The following MED24 variants were observed in gnomAD, a reference collection of about 807,000 sequenced individuals.
MED24 encodes the protein mediator complex subunit 24, also known as mediator of RNA polymerase II transcription subunit 24.
A neutral mutation model predicts 118.8 loss-of-function variants in MED24; 74 were observed. That is an observed-to-expected ratio of 0.62 (90% CI 0.52 to 0.76). MED24 has a LOEUF of 0.76. Among genes scored for constraint, MED24 ranks in the 30% least tolerant of loss-of-function variants. The pLI is 0.00. For synonymous variants in MED24, 521 were observed against 523.9 expected, an observed-to-expected ratio of 0.99 and a Z score of 0.08; for missense variants, 1,041 against 1,278.9, an observed-to-expected ratio of 0.81 and a Z score of 2.84.
In MED24 at chr17:40,023,156, T is replaced by C. The variant is rs755238227; in HGVS notation, c.2225A>G (p.Tyr742Cys). The C allele has an allele frequency of 8.7e-6, 14 of 1,613,870 alleles. No homozygotes were observed. The African/African-American group carries it at 1.3e-4, about 15-fold the overall frequency. ...CTTAATCAGGTTGTTGCAGAACCAG[T>C]AGACGCCGCCCATGTGCAGCAGGGT... is the stretch of plus-strand genomic sequence containing the variant. The part of the protein sequence containing the change: ...FDTLLHMGGV[Y>C]WFCNNLIKEL... Residue 742 changes from tyrosine (Y) to cysteine (C), a missense_variant, in exon 20 of 26, where the codon TAC becomes TGC. Tyr to Cys is a radical substitution (Grantham distance 194). Transcript: ENST00000394128.
chr17:40,053,390 G>T lies in MED24; in HGVS notation c.131-10C>A. Reference sequence around the variant, plus strand: ...TGCTCTAGTAACGCATCTGCAAGAGGAATAGCAAAACACAACTGAGTGATT... The same window carrying T: ...TGCTCTAGTAACGCATCTGCAAGAGTAATAGCAAAACACAACTGAGTGATT... On this transcript the variant is annotated splice_polypyrimidine_tract_variant and intron_variant, in intron 2 of 25. Transcript: ENST00000394128. The T allele has an allele frequency of 1.2e-6, 2 of 1,613,340 alleles. No homozygotes were observed. Among genetic ancestry groups the T allele is most frequent in the Non-Finnish European group, 1.7e-6 (2 of 1,179,382 alleles).
In MED24 at chr17:40,032,631, C is replaced by G. The variant is rs771040313; in HGVS notation, c.936+18G>C. On this transcript the variant is annotated intron_variant, in intron 9 of 25. Transcript: ENST00000394128. ...AACCATTCCTAGACTGGCTCTGCCCCTCCCACGTCCCCAGTACCTTGAGGA... is the reference window on the plus strand; with the variant it reads ...AACCATTCCTAGACTGGCTCTGCCCGTCCCACGTCCCCAGTACCTTGAGGA... The G allele has an allele frequency of 1.3e-6, 2 of 1,593,736 alleles. No individual in the cohort carries two copies. The highest frequency in any genetic ancestry group is 1.7e-6 in the Non-Finnish European group (2 of 1,162,304).
chr17:40,046,755 C>G (rs951036722), intron 3 of MED24, among the ~76,000 whole-genome samples: 2 of 144,460 alleles, frequency 1.4e-5, no homozygotes, highest in Admixed American at 6.7e-5. Flanking sequence ...CAAAAAAAAA[C>G]AAGAAGAAGA....
chr17:40,024,661 G>T (rs1308591342), intron 19 of MED24, among the ~76,000 whole-genome samples: 1 of 152,214 alleles, frequency 6.6e-6, no homozygotes, highest in Non-Finnish European at 1.5e-5. Context: ...TAGCCCAAAG[G>T]TGGAAGCAAC....
chr17:40,022,553 C>A, intron 21 of MED24, 69 bp from the exon 22 acceptor site: 1 of 1,596,040 alleles, frequency 6.3e-7, no homozygotes, highest in South Asian at 1.1e-5. Context: ...TCTGACTGGG[C>A]TCCCCAAAGC....
At position 40,019,323 on chromosome 17, in the gene MED24, G is replaced by T; in HGVS notation, c.*206C>A. The T allele has an allele frequency of 1.7e-6, 1 of 578,172 alleles. No homozygotes were observed. Among genetic ancestry groups the T allele is most frequent in the Non-Finnish European group, 3.1e-6 (1 of 325,862 alleles). 35.8% of individuals were successfully genotyped at this position (578,172 alleles called of 1,614,324 possible). ...GGCTGCTCACTCTCCTCAGGTGCCA[G>T]CAGATGGAGAGGAAATTTTGAAAGA... On this transcript the variant is annotated 3_prime_UTR_variant, in exon 26 of 26. Transcript: ENST00000394128.
chr17:40,053,254 C>A, intron 3 of MED24, 44 bp downstream of exon 3: 1 of 1,539,242 alleles, frequency 6.5e-7, no homozygotes, highest in Non-Finnish European at 8.8e-7. Context: ...AGTTTTTTAC[C>A]CCCAGAACTC....
chr17:40,026,464 G>C, intron 18 of MED24, 133 bp from the exon 19 acceptor site: 1 of 1,258,448 alleles, frequency 7.9e-7, no homozygotes, highest in South Asian at 1.4e-5. Context: ...CTCTCCACAA[G>C]TTTGATCTTC....
In MED24 at chr17:40,033,502, G is replaced by C. The variant is rs1482237475; in HGVS notation, c.560-46C>G. On this transcript the variant is annotated intron_variant, in intron 6 of 25. Coordinates refer to ENST00000394128, the MANE Select transcript of MED24 (RefSeq NM_014815.4). The surrounding 1 kb of genome is among the most constrained non-coding windows in gnomAD (Gnocchi z 5.2). ...CAGAAACATGATGGGAAACAGGAGA[G>C]AAGGAGCACCTGGCCCTGAACTCCT... 8.0e-6 allele frequency: 12 copies of C among 1,491,048 alleles called. No homozygotes were observed. The highest frequency in any genetic ancestry group is 1.4e-5 in the African/African-American group (1 of 71,764). 92.4% of individuals were successfully genotyped at this position (1,491,048 alleles called of 1,614,324 possible). A position where few individuals can be genotyped will look rare whatever the true frequency, so the allele number is the denominator to read the frequency against.
intron 3 of MED24, among the ~76,000 whole-genome samples, chr17:40,039,264 C>A (rs1984284223): frequency 6.6e-6 from 1 of 152,214 alleles, no homozygotes; most frequent in African/African-American, 2.4e-5. Context: ...ACATGACGAA[C>A]TGTTTTACAC....
chr17:40,022,253 G>T, intron 22 of MED24, 141 bp downstream of exon 22: 1 of 996,030 alleles, frequency 1.0e-6, no homozygotes, highest in Non-Finnish European at 1.5e-6. Context: ...CACCCATGCA[G>T]ATTCCTGACC....
chr17:40,031,490 G>C, intron 11 of MED24, 48 bp downstream of exon 11: 1 of 1,540,832 alleles, frequency 6.5e-7, no homozygotes, highest in Non-Finnish European at 9.0e-7. Flanking sequence ...CAGGGGAAGA[G>C]CCCAGAACGC....
chr17:40,022,366 A>T (rs1164138950), intron 22 of MED24, 28 bp downstream of exon 22: 5 of 1,582,058 alleles, frequency 3.2e-6, no homozygotes, highest in Non-Finnish European at 4.3e-6. Context: ...GAACAAGTGA[A>T]GCCGGCGAGG....
chr17:40,022,998 C>T (rs1290246792), intron 20 of MED24, 133 bp downstream of exon 20: 10 of 1,388,154 alleles, frequency 7.2e-6, no homozygotes, highest in African/African-American at 1.4e-5. Context: ...AAGGAGGCAA[C>T]TCTGAGGCGA....
intron 3 of MED24, among the ~76,000 whole-genome samples, chr17:40,039,408 C>G (rs955981959): frequency 6.6e-6 from 1 of 152,160 alleles, no homozygotes; most frequent in Non-Finnish European, 1.5e-5. Context: ...CCTGCAGCTG[C>G]TCTCAAATCC....
At chr17:40,027,112 T>C in intron 16 of MED24, 78 bp from the exon 17 acceptor site, 1 of 1,526,866 alleles carries the variant, frequency 6.5e-7, no homozygotes, top group Non-Finnish European at 8.9e-7. Context: ...GGCTGCACTG[T>C]TTCCCGCCAG....
At chr17:40,029,481 AGCCACC>A (rs1174669347) in intron 13 of MED24, among the ~76,000 whole-genome samples, 2 of 152,148 alleles carry the variant, frequency 1.3e-5, no homozygotes, top group Non-Finnish European at 2.9e-5. Flanking sequence ...TACAGGCGTG[AGCCACC>A]GCACCCACGT....
rs778132083 is a variant in MED24 at position 40,023,164 on chromosome 17, G to A, written c.2217C>T (p.Gly739=). 1.7e-5 allele frequency: 28 copies of A among 1,613,966 alleles called. No individual in the cohort carries two copies. Among genetic ancestry groups the A allele is most frequent in the East Asian group, 4.5e-5 (2 of 44,898 alleles). The change falls in exon 20 of 26, where the codon GGC becomes GGT. Residue 739 remains glycine, a synonymous_variant. Transcript: ENST00000394128. ...IHIFDTLLHM[G]GVYWFCNNLI... ...GGTTGTTGCAGAACCAGTAGACGCC[G>A]CCCATGTGCAGCAGGGTGTCAAAGA... is the stretch of plus-strand genomic sequence containing the variant.
intron 20 of MED24, 130 bp downstream of exon 20, chr17:40,023,001 T>G: frequency 7.2e-7 from 1 of 1,390,720 alleles, no homozygotes; most frequent in East Asian, 2.4e-5. Context: ...GAGGCAACTC[T>G]GAGGCGAGGC....
Sources: allele counts gnomAD v4.1 joint callset (sites outside exome capture counted in the v4.1 genomes callset), GRCh38; gene constraint gnomAD v4.1.1; non-coding constraint Gnocchi (gnomAD v3.1); transcripts MANE v1.5; gene names NCBI Gene and HGNC (gene_info 2026-07-23, HGNC 2026-07-21).